ADARB2: variants seen among roughly 807,000 people sequenced by gnomAD.
ADARB2 encodes the protein inactive double-stranded RNA-specific editase B2.
Under a neutral mutation model 62.2 loss-of-function variants are expected in ADARB2, and 25 were observed. The observed-to-expected ratio is 0.40, with a 90% CI of 0.29 to 0.56. The LOEUF is 0.56. ADARB2 is among the 20% of genes least tolerant of loss of function. ADARB2 has a pLI of 0.43. For missense variants in ADARB2, 1,071 were observed against 1,077.4 expected (o/e 0.99, Z 0.08); for synonymous variants, 572 against 500.8 (o/e 1.14, Z -1.90).
intron 1 of ADARB2, among the ~76,000 whole-genome samples, chr10:1,713,782 T>G (rs955082884): frequency 6.6e-6 from 1 of 152,158 alleles, no homozygotes; most frequent in Non-Finnish European, 1.5e-5. Context: ...CTTGACACTT[T>G]AAAGCAAATT....
chr10:1,416,116 T>C (rs1174047914), intron 1 of ADARB2, among the ~76,000 whole-genome samples: 1 of 152,250 alleles, frequency 6.6e-6, no homozygotes, highest in Non-Finnish European at 1.5e-5. Flanking sequence ...TTCTTGTGAT[T>C]GCCTGTCTTA....
chr10:1,523,018 C>G (rs1365889452), intron 1 of ADARB2, among the ~76,000 whole-genome samples: 3 of 152,150 alleles, frequency 2.0e-5, no homozygotes, highest in African/African-American at 7.2e-5. Context: ...CTCCTTACAC[C>G]CAGCAGACAG....
chr10:1,677,962 C>T (rs772591539), intron 1 of ADARB2, among the ~76,000 whole-genome samples: 19 of 152,198 alleles, frequency 1.2e-4, no homozygotes, highest in African/African-American at 3.4e-4. Flanking sequence ...TAGCAGAGAA[C>T]GACCACATGG....
intron 1 of ADARB2, among the ~76,000 whole-genome samples, chr10:1,531,397 TGTTGACA>T (rs1289560208): frequency 2.0e-5 from 3 of 152,218 alleles, no homozygotes; most frequent in African/African-American, 7.2e-5. Flanking sequence ...GGCCTCTGGC[TGTTGACA>T]GTTCCTTAAT....
At chr10:1,559,394 A>G (rs185531118) in intron 1 of ADARB2, among the ~76,000 whole-genome samples, 22 of 152,296 alleles carry the variant, frequency 1.4e-4, no homozygotes, top group African/African-American at 5.1e-4. Context: ...AGATCCTGCA[A>G]GTGACACGGG....
At chr10:1,288,749 C>T (rs1831436715) in intron 3 of ADARB2, among the ~76,000 whole-genome samples, 1 of 152,256 alleles carries the variant, frequency 6.6e-6, no homozygotes, top group African/African-American at 2.4e-5. Flanking sequence ...CCACCTGCAT[C>T]AAGACCACGG....
chr10:1,562,021 C>T (rs1041671017), intron 1 of ADARB2, among the ~76,000 whole-genome samples: 6 of 152,214 alleles, frequency 3.9e-5, no homozygotes, highest in Non-Finnish European at 8.8e-5. Flanking sequence ...CCGAGCTCAT[C>T]GCCTCCCAGG....
At chr10:1,471,244 T>C (rs540695880) in intron 1 of ADARB2, among the ~76,000 whole-genome samples, 4 of 152,312 alleles carry the variant, frequency 2.6e-5, no homozygotes, top group Non-Finnish European at 5.9e-5. Flanking sequence ...ATTCTCCTTG[T>C]AAAACCTTCC....
At chr10:1,254,149 C>T (rs1461124481) in intron 4 of ADARB2, among the ~76,000 whole-genome samples, 1 of 149,562 alleles carries the variant, frequency 6.7e-6, no homozygotes, top group East Asian at 2.0e-4. Context: ...GGTTAGAATG[C>T]AGTGGGCTCT....
chr10:1,676,838 G>A (rs935091497), intron 1 of ADARB2, among the ~76,000 whole-genome samples: 1 of 151,946 alleles, frequency 6.6e-6, no homozygotes, highest in Non-Finnish European at 1.5e-5. Flanking sequence ...TGGTCACAGG[G>A]GAAGCATGAA....
intron 1 of ADARB2, among the ~76,000 whole-genome samples, chr10:1,416,611 C>G (rs1368216492): frequency 6.6e-6 from 1 of 152,252 alleles, no homozygotes; most frequent in African/African-American, 2.4e-5. Flanking sequence ...GCTGCACAGG[C>G]AGGGGCCCTG....
intron 1 of ADARB2, among the ~76,000 whole-genome samples, chr10:1,695,471 C>T (rs1006071719): frequency 6.6e-6 from 1 of 152,186 alleles, no homozygotes; most frequent in Non-Finnish European, 1.5e-5. Context: ...TTGATTCAGT[C>T]ACTCATTTAT....
At chr10:1,343,221 C>T (rs977191933) in intron 3 of ADARB2, among the ~76,000 whole-genome samples, 1 of 152,138 alleles carries the variant, frequency 6.6e-6, no homozygotes, top group South Asian at 2.1e-4. Context: ...ACAGACACCT[C>T]TCAAAAGAAG....
chr10:1,226,604 CTGTT>C lies in ADARB2; in HGVS notation c.1513+7086_1513+7089del, dbSNP rs376562034. On this transcript the variant is annotated intron_variant, in intron 6 of 9. Transcript: ENST00000381312. ...TGGGTTTTTGGTGTGGATGTCCTTT[CTGTT>C]TGTTAGTTTTCCTTCTAACAGTCAG... Among the ~76,000 whole-genome samples, 44 of 152,304 alleles carry C rather than the reference CTGTT, an allele frequency of 2.9e-4. No individual in the cohort carries two copies. In the East Asian group the frequency reaches 6.6e-3, roughly 23 times the overall value.
chr10:1,489,835 C>T (rs2131930866), intron 1 of ADARB2, among the ~76,000 whole-genome samples: 1 of 152,232 alleles, frequency 6.6e-6, no homozygotes. Flanking sequence ...ATCAAACACT[C>T]TTGGGTGTCT....
At chr10:1,644,607 T>C (rs753398329) in intron 1 of ADARB2, among the ~76,000 whole-genome samples, 10 of 152,268 alleles carry the variant, frequency 6.6e-5, no homozygotes, top group African/African-American at 2.4e-4. Flanking sequence ...GAGCTTTGTC[T>C]TGTCCTGCCA....
intron 1 of ADARB2, among the ~76,000 whole-genome samples, chr10:1,583,009 T>C (rs753441071): frequency 6.6e-6 from 1 of 152,220 alleles, no homozygotes; most frequent in African/African-American, 2.4e-5. Flanking sequence ...CCCAGATGCA[T>C]CCACTTTGTA....
At chr10:1,464,176 G>A (rs1831215269) in intron 1 of ADARB2, among the ~76,000 whole-genome samples, 1 of 147,558 alleles carries the variant, frequency 6.8e-6, no homozygotes, top group Non-Finnish European at 1.5e-5. Context: ...ACAGCGGGCA[G>A]TGCGCCGGAG....
intron 1 of ADARB2, among the ~76,000 whole-genome samples, chr10:1,449,512 C>A (rs1831012629): frequency 6.6e-6 from 1 of 152,196 alleles, no homozygotes; most frequent in Non-Finnish European, 1.5e-5. Flanking sequence ...CCCCTAATTC[C>A]TTTCAGGACC....
Sources: allele counts gnomAD v4.1 joint callset (sites outside exome capture counted in the v4.1 genomes callset), GRCh38; gene constraint gnomAD v4.1.1; transcripts MANE v1.5; gene names NCBI Gene and HGNC (gene_info 2026-07-23, HGNC 2026-07-21).